The following FGF12 variants were observed in gnomAD, a reference collection of about 807,000 sequenced individuals.
FGF12 encodes the protein fibroblast growth factor 12B.
Under a neutral mutation model 23.6 loss-of-function variants are expected in FGF12, and 14 were observed. The observed-to-expected ratio is 0.59, with a 90% CI of 0.39 to 0.93. The LOEUF is 0.93. Ranked by LOEUF, FGF12 falls within the 40% of genes least tolerant of loss-of-function variation. The pLI, the probability that FGF12 is intolerant of heterozygous loss-of-function variation, is 0.00. For missense variants in FGF12, 175 were observed against 217.8 expected, an observed-to-expected ratio of 0.80 and a Z score of 1.24; for synonymous variants, 62 against 77.3, an observed-to-expected ratio of 0.80 and a Z score of 1.04.
chr3:192,591,180 G>A (rs983911880), intron 2 of FGF12, among the ~76,000 whole-genome samples: 2 of 151,082 alleles, frequency 1.3e-5, no homozygotes, highest in Non-Finnish European at 3.0e-5. Flanking sequence ...AGGCACAGTC[G>A]GACCAAAGCA....
At chr3:192,293,804 C>T (rs534296133) in intron 4 of FGF12, among the ~76,000 whole-genome samples, 12 of 152,274 alleles carry the variant, frequency 7.9e-5, no homozygotes, top group African/African-American at 2.9e-4. Flanking sequence ...TAGCCAATGG[C>T]TTATAAACAA....
intron 2 of FGF12, among the ~76,000 whole-genome samples, chr3:192,629,649 C>G (rs1480026131): frequency 6.6e-6 from 1 of 151,454 alleles, no homozygotes; most frequent in Non-Finnish European, 1.5e-5. Flanking sequence ...CAATAAACTT[C>G]TTTATTGGAT....
At chr3:192,644,216 C>T (rs1715913096) in intron 2 of FGF12, among the ~76,000 whole-genome samples, 1 of 152,132 alleles carries the variant, frequency 6.6e-6, no homozygotes, top group Non-Finnish European at 1.5e-5. Flanking sequence ...CATGTCCATA[C>T]ATTTTTAGAA....
chr3:192,187,363 T>C (rs1716530470), intron 4 of FGF12, among the ~76,000 whole-genome samples: 2 of 152,208 alleles, frequency 1.3e-5, no homozygotes. Flanking sequence ...TATTTTTGCC[T>C]GCATTCTCAA....
intron 4 of FGF12, among the ~76,000 whole-genome samples, chr3:192,212,191 C>T (rs577659228): frequency 4.6e-5 from 7 of 152,298 alleles, no homozygotes; most frequent in African/African-American, 1.7e-4. Flanking sequence ...TGGCTGCAAA[C>T]CGCTGAGTTG....
At chr3:192,403,170 G>C (rs887293130) in intron 2 of FGF12, among the ~76,000 whole-genome samples, 1 of 152,034 alleles carries the variant, frequency 6.6e-6, no homozygotes, top group Non-Finnish European at 1.5e-5. Context: ...GTTTCCATAT[G>C]AGTAAGCCCA....
chr3:192,314,209 G>A (rs1248745542), intron 4 of FGF12, among the ~76,000 whole-genome samples: 1 of 151,896 alleles, frequency 6.6e-6, no homozygotes, highest in Non-Finnish European at 1.5e-5. Context: ...GTGATAATTT[G>A]TCAAAGCAGC....
chr3:192,250,946 A>G (rs1427082252), intron 4 of FGF12, among the ~76,000 whole-genome samples: 3 of 152,178 alleles, frequency 2.0e-5, no homozygotes, highest in Non-Finnish European at 4.4e-5. Context: ...GGTGAAGCAT[A>G]CTTAATTACT....
chr3:192,658,600 A>T (rs961864822), intron 2 of FGF12, among the ~76,000 whole-genome samples: 3 of 152,178 alleles, frequency 2.0e-5, no homozygotes, highest in African/African-American at 7.2e-5. Flanking sequence ...TTTTGAAATA[A>T]TAGGTTAGCT....
intron 2 of FGF12, among the ~76,000 whole-genome samples, chr3:192,568,431 C>T (rs892045281): frequency 6.6e-6 from 1 of 152,106 alleles, no homozygotes; most frequent in African/African-American, 2.4e-5. Flanking sequence ...GATCTCTGCT[C>T]CAAAATCTGA....
intron 4 of FGF12, among the ~76,000 whole-genome samples, chr3:192,185,554 T>C (rs927269761): frequency 3.9e-5 from 6 of 151,946 alleles, no homozygotes; most frequent in African/African-American, 1.5e-4. Flanking sequence ...TTTTTTTTAA[T>C]TGAAAGGTAA....
At chr3:192,534,690 T>C (rs1725184146) in intron 2 of FGF12, among the ~76,000 whole-genome samples, 1 of 152,166 alleles carries the variant, frequency 6.6e-6, no homozygotes, top group South Asian at 2.1e-4. Context: ...CCATGCTCTT[T>C]AGTCTATTAA....
chr3:192,203,566 CTT>C (rs3071810), intron 4 of FGF12, among the ~76,000 whole-genome samples: 17 of 130,394 alleles, frequency 1.3e-4, no homozygotes, highest in Admixed American at 2.3e-4. Flanking sequence ...TTTTTCTTTA[CTT>C]TTTTTTTTTT....
chr3:192,375,056 A>G (rs1464838528), intron 2 of FGF12, among the ~76,000 whole-genome samples: 1 of 152,196 alleles, frequency 6.6e-6, no homozygotes, highest in Non-Finnish European at 1.5e-5. Flanking sequence ...CACAAAAAGT[A>G]CCTACTGCCC....
At chr3:192,609,538 T>A (rs1477582765) in intron 2 of FGF12, among the ~76,000 whole-genome samples, 1 of 152,090 alleles carries the variant, frequency 6.6e-6, no homozygotes, top group Non-Finnish European at 1.5e-5. Flanking sequence ...CCAGCAAGCA[T>A]CATGAAGTCA....
chr3:192,466,509 G>A (rs1723016094), intron 2 of FGF12, among the ~76,000 whole-genome samples: 1 of 151,968 alleles, frequency 6.6e-6, no homozygotes. Flanking sequence ...TTTACCAAAG[G>A]GTCCCTCCTC....
At chr3:192,275,344 A>G (rs1005583020) in intron 4 of FGF12, among the ~76,000 whole-genome samples, 2 of 150,100 alleles carry the variant, frequency 1.3e-5, no homozygotes, top group East Asian at 2.1e-4. Context: ...TTTGCAAGTA[A>G]AGTAACTTTG....
intron 5 of FGF12, among the ~76,000 whole-genome samples, chr3:192,167,788 T>G (rs1715309275): frequency 8.5e-6 from 1 of 117,142 alleles, no homozygotes; most frequent in Admixed American, 9.4e-5. Context: ...TTTTTTTTTT[T>G]TTTTTGAGAA....
intron 2 of FGF12, among the ~76,000 whole-genome samples, chr3:192,564,037 G>GTTT (rs111447729): frequency 1.0e-3 from 137 of 135,620 alleles, no homozygotes; most frequent in African/African-American, 4.6e-3. Context: ...GTAGTTTTTT[G>GTTT]TTTTTTTTTG....
Sources: gnomAD v4.1 joint callset for allele counts (sites outside exome capture counted in the v4.1 genomes callset) on GRCh38, gnomAD v4.1.1 for gene constraint, MANE v1.5 for transcripts, NCBI Gene and HGNC (gene_info 2026-07-23, HGNC 2026-07-21) for gene names.